The following LEO1 variants were observed in gnomAD, a reference collection of about 807,000 sequenced individuals.
The protein encoded by LEO1 is RNA polymerase-associated protein LEO1.
Under a neutral mutation model 80.4 loss-of-function variants are expected in LEO1, and 34 were observed. That is an observed-to-expected ratio of 0.42 (90% confidence interval 0.32 to 0.56). The LOEUF (loss-of-function observed/expected upper bound fraction) is 0.56, where lower values mean the gene tolerates loss of function less well. Among genes scored for constraint, LEO1 ranks in the 20% least tolerant of loss-of-function variants. The pLI is 0.10. For missense variants in LEO1, 631 were observed against 814.2 expected (o/e 0.77, Z 2.74); for synonymous variants, 262 against 274.9 (o/e 0.95, Z 0.46).
At position 51,938,035 on chromosome 15, in the gene LEO1, A is replaced by ATTGT. The variant is rs2056815666; in HGVS notation, c.*117_*120dup. The ATTGT allele has an allele frequency of 1.7e-6, 1 of 603,800 alleles. No individual in the cohort carries two copies. The highest frequency in any genetic ancestry group is 1.9e-5 in the African/African-American group (1 of 52,140). The allele number at this position is 603,800 out of a possible 1,614,324, so 37.4% of individuals were successfully genotyped here. ...CTTAAACATAGAGACTTGCTTTTAA[A>ATTGT]TTGTTTTATTACAATTAAAATTACA... is the stretch of plus-strand genomic sequence containing the variant. On this transcript the variant is annotated 3_prime_UTR_variant, in exon 12 of 12. Transcript: ENST00000299601.
chr15:51,938,933 C>G (rs1448854440), intron 11 of LEO1, among the ~76,000 whole-genome samples: 4 of 152,160 alleles, frequency 2.6e-5, no homozygotes, highest in Non-Finnish European at 4.4e-5. Context: ...GCCTGTAATC[C>G]CAGCACTTTG....
At chr15:51,949,470 C>T (rs980560563) in intron 10 of LEO1, among the ~76,000 whole-genome samples, 2 of 152,064 alleles carry the variant, frequency 1.3e-5, no homozygotes, top group African/African-American at 2.4e-5. Flanking sequence ...GAGGCCAAGG[C>T]GGGCAGATCA....
At position 51,965,819 on chromosome 15, in the gene LEO1, A is replaced by T. The variant is rs1352502470; in HGVS notation, c.744T>A (p.Asp248Glu). 6.2e-7 allele frequency: 1 copy of T among 1,614,050 alleles called. No individual in the cohort carries two copies. The highest frequency in any genetic ancestry group is 1.7e-5 in the Admixed American group (1 of 59,996). The change falls in exon 2 of 12, where the codon GAT (aspartate) becomes GAA (glutamate). Residue 248 changes from aspartate (D) to glutamate (E), a missense_variant. Around this residue, in one of 4 missense-constraint regions of LEO1, gnomAD observed 394 missense variants for 395.6 expected, o/e 1.00. Transcript: ENST00000299601. Reference protein sequence around the residue: ...SDEEKMQNSDDERPQASDEEH... With the variant: ...SDEEKMQNSDEERPQASDEEH... Reference sequence around the variant, plus strand: ...CTTCATCTGAGGCCTGTGGCCTTTCATCATCAGAATTTTGCATTTTCTCTT... The same window carrying T: ...CTTCATCTGAGGCCTGTGGCCTTTCTTCATCAGAATTTTGCATTTTCTCTT...
chr15:51,950,705 G>A (rs2056942623), intron 9 of LEO1, among the ~76,000 whole-genome samples: 1 of 152,178 alleles, frequency 6.6e-6, no homozygotes, highest in Non-Finnish European at 1.5e-5. Context: ...GAAATTCTAT[G>A]GAACAGATTG....
intron 11 of LEO1, 107 bp from the exon 12 acceptor site, chr15:51,938,367 A>G (rs1229859954): frequency 1.5e-6 from 1 of 651,896 alleles, no homozygotes; most frequent in Non-Finnish European, 2.7e-6. Context: ...ACTCAAAGTA[A>G]CGGTTCCTGC....
rs569164593 is a variant in LEO1 at position 51,968,490 on chromosome 15, G to A, written c.59-1986C>T. On this transcript the variant is annotated intron_variant, in intron 1 of 11. Coordinates refer to ENST00000299601, the MANE Select transcript of LEO1 (RefSeq NM_138792.4). The stretch of plus-strand genomic sequence containing the variant: ...TAGGAAGCGGAGGTTGCAGTGAGCC[G>A]AGATCGTGCCACTGCATGAAAGGGG... Among the ~76,000 whole-genome samples, 26 of 152,004 alleles carry A rather than the reference G, an allele frequency of 1.7e-4. 2 individuals carry two copies. The highest frequency in any genetic ancestry group is 5.1e-4 in the African/African-American group (21 of 41,454).
chr15:51,951,175 G>C (rs2056945820), intron 9 of LEO1, among the ~76,000 whole-genome samples: 2 of 152,212 alleles, frequency 1.3e-5, no homozygotes, highest in African/African-American at 2.4e-5. Context: ...GTAATCACAA[G>C]AGGCAGGGTG....
chr15:51,965,298 A>G (rs2057065869), intron 2 of LEO1, among the ~76,000 whole-genome samples: 1 of 152,146 alleles, frequency 6.6e-6, no homozygotes, highest in Non-Finnish European at 1.5e-5. Context: ...CAAATTTTGG[A>G]TCTCAAAAAG....
intron 3 of LEO1, 66 bp from the exon 4 acceptor site, chr15:51,960,799 A>G: frequency 2.3e-6 from 2 of 885,346 alleles, no homozygotes; most frequent in South Asian, 2.8e-5. Context: ...ACAGCTGATC[A>G]CTTCAACACA....
chr15:51,944,752 T>C (rs1421033170), intron 11 of LEO1, among the ~76,000 whole-genome samples: 6 of 145,476 alleles, frequency 4.1e-5, no homozygotes, highest in Non-Finnish European at 1.5e-5. Flanking sequence ...TATAAATATA[T>C]ACTTTTCATA....
chr15:51,941,044 G>A (rs1199903126), intron 11 of LEO1, among the ~76,000 whole-genome samples: 3 of 152,068 alleles, frequency 2.0e-5, no homozygotes, highest in African/African-American at 4.8e-5. Flanking sequence ...CTGCACTCCA[G>A]TCTGGGCAAC....
At chr15:51,954,131 G>A (rs1566883498) in intron 7 of LEO1, among the ~76,000 whole-genome samples, 1 of 151,500 alleles carries the variant, frequency 6.6e-6, no homozygotes. Context: ...CACCATCTTG[G>A]CCAGGCTGGT....
In LEO1 at chr15:51,966,083, T is replaced by C; in HGVS notation, c.480A>G (p.Gln160=). Residue 160 remains glutamine (Q), a synonymous_variant, in exon 2 of 12, where the codon CAA becomes CAG. Coordinates refer to ENST00000299601, the MANE Select transcript of LEO1 (RefSeq NM_138792.4). ...KSDQSDDEKI[Q]NSDDEERAQG... ...GTGCCCTCTCCTCATCATCAGAATTTTGTATCTTTTCATCATCTGACTGGT... is the reference window on the plus strand; with the variant it reads ...GTGCCCTCTCCTCATCATCAGAATTCTGTATCTTTTCATCATCTGACTGGT... 6.2e-7 allele frequency: 1 copy of C among 1,614,012 alleles called. No homozygotes were observed. Among genetic ancestry groups the C allele is most frequent in the Non-Finnish European group, 8.5e-7 (1 of 1,180,026 alleles).
intron 11 of LEO1, 150 bp from the exon 12 acceptor site, chr15:51,938,410 CTG>C (rs897792487): frequency 3.3e-6 from 2 of 597,596 alleles, no homozygotes; most frequent in African/African-American, 3.7e-5. Flanking sequence ...GTGTCAGCAA[CTG>C]TGAACTAATC....
At chr15:51,940,389 T>C (rs928982613) in intron 11 of LEO1, among the ~76,000 whole-genome samples, 5 of 144,854 alleles carry the variant, frequency 3.5e-5, no homozygotes, top group African/African-American at 1.3e-4. Flanking sequence ...TGAAACCCCA[T>C]CTCTACTAAA....
At chr15:51,940,736 C>T (rs1272862898) in intron 11 of LEO1, among the ~76,000 whole-genome samples, 1 of 150,458 alleles carries the variant, frequency 6.6e-6, no homozygotes, top group Middle Eastern at 3.2e-3. Context: ...ACCTGGGCAA[C>T]ATGGTAAGAC....
At chr15:51,958,696 G>A in intron 6 of LEO1, 46 bp downstream of exon 6, 1 of 1,217,228 alleles carries the variant, frequency 8.2e-7, no homozygotes, top group Non-Finnish European at 1.2e-6. Flanking sequence ...GTATCTCCAG[G>A]TTTTACTTTA....
Position 51,960,048 on chromosome 15 carries a change from G to A in LEO1, c.1015-4C>T, listed in dbSNP as rs781087470. 1 of 1,608,444 alleles carries A rather than the reference G, an allele frequency of 6.2e-7. No homozygotes were observed. The highest frequency in any genetic ancestry group is 1.3e-5 in the African/African-American group (1 of 74,694). ...CCTGAGGCAATCCATTTTCATCCTA[G>A]TGAAAGAATCGGAAGTTTGGAGCTT... On this transcript the variant is annotated splice_polypyrimidine_tract_variant and splice_region_variant and intron_variant, in intron 4 of 11. Coordinates refer to ENST00000299601, the MANE Select transcript of LEO1 (RefSeq NM_138792.4).
chr15:51,964,121 G>C (rs1253356606), intron 2 of LEO1, among the ~76,000 whole-genome samples: 1 of 151,830 alleles, frequency 6.6e-6, no homozygotes, highest in Non-Finnish European at 1.5e-5. Flanking sequence ...CAGGAGAATG[G>C]CGTGAACCCA....
Sources: gnomAD v4.1 joint callset for allele counts (sites outside exome capture counted in the v4.1 genomes callset) on GRCh38, gnomAD v4.1.1 for gene constraint, gnomAD v4.1.1 regional missense constraint, MANE v1.5 for transcripts, NCBI Gene and HGNC (gene_info 2026-07-23, HGNC 2026-07-21) for gene names.